The following TSPEAR variants were observed in gnomAD, a reference collection of about 807,000 sequenced individuals.
The protein encoded by TSPEAR is thrombospondin type laminin G domain and EAR repeats.
Under a neutral mutation model 71.6 loss-of-function variants are expected in TSPEAR, and 69 were observed. That is an observed-to-expected ratio of 0.96 (90% CI 0.79 to 1.18). TSPEAR has a LOEUF of 1.18. TSPEAR is among the 50% of genes most tolerant of loss of function. The pLI is 0.00. For missense variants in TSPEAR, 971 were observed against 894.9 expected, an observed-to-expected ratio of 1.09 and a Z score of -1.09; for synonymous variants, 402 against 387.2, an observed-to-expected ratio of 1.04 and a Z score of -0.45.
chr21:44,592,726 C>T (rs1355527288), intron 1 of TSPEAR, among the ~76,000 whole-genome samples: 2 of 152,140 alleles, frequency 1.3e-5, no homozygotes, highest in Admixed American at 6.5e-5. Context: ...AGGAATTGGG[C>T]GGGGCCTGGT....
intron 1 of TSPEAR, among the ~76,000 whole-genome samples, chr21:44,657,483 A>T (rs1379073307): frequency 1.3e-5 from 2 of 152,250 alleles, no homozygotes; most frequent in Admixed American, 1.3e-4. Context: ...ACATGCTGTG[A>T]TCCAATAAGA....
intron 9 of TSPEAR, chr21:44,519,030 G>GC (rs797041452): frequency 4.7e-5 from 8 of 171,472 alleles, no homozygotes; most frequent in Non-Finnish European, 7.5e-5. Context: ...TGCTTTTGTT[G>GC]TTTTTTTTTT....
intron 9 of TSPEAR, among the ~76,000 whole-genome samples, chr21:44,514,694 C>T (rs2052503440): frequency 6.6e-6 from 1 of 152,214 alleles, no homozygotes; most frequent in African/African-American, 2.4e-5. Context: ...CTTCTAGGGA[C>T]AGAGCTCACT....
rs373764712 is a variant in TSPEAR at position 44,527,249 on chromosome 21, C to G, written c.1149+43G>C. On this transcript the variant is annotated intron_variant, in intron 7 of 11. Coordinates refer to ENST00000323084, the MANE Select transcript of TSPEAR (RefSeq NM_144991.3). ...GCCCCGCCTGTGGACTCGGGGCTTT[C>G]CAAGAGAAAGGGGATGGAGAAAGTC... 87 of 1,609,684 alleles carry G rather than the reference C, an allele frequency of 5.4e-5. 1 individual carries two copies. Among genetic ancestry groups the G allele is most frequent in the Non-Finnish European group, 6.5e-5 (77 of 1,176,744 alleles).
intron 1 of TSPEAR, among the ~76,000 whole-genome samples, chr21:44,624,967 T>C (rs1176747083): frequency 6.6e-6 from 1 of 152,200 alleles, no homozygotes; most frequent in Admixed American, 6.5e-5. Context: ...CTAACTTTTC[T>C]CAGCTAGATG....
intron 1 of TSPEAR, among the ~76,000 whole-genome samples, chr21:44,700,239 TCC>T (rs1987584834): frequency 6.6e-6 from 1 of 152,194 alleles, no homozygotes; most frequent in Non-Finnish European, 1.5e-5. Context: ...AGTCCAGGGT[TCC>T]ACCACCAGGA....
At chr21:44,696,049 A>G (rs2146319268) in intron 1 of TSPEAR, among the ~76,000 whole-genome samples, 1 of 152,318 alleles carries the variant, frequency 6.6e-6, no homozygotes, top group East Asian at 1.9e-4. Flanking sequence ...CTTCCCATAA[A>G]GAAATCTTTC....
rs587714024 is a variant in TSPEAR, at chr21:44,569,287, T to G, written c.83-1282A>C. On this transcript the variant is annotated intron_variant, in intron 1 of 11. Transcript: ENST00000323084. ...ACGCAGGGTGTGATGGGCACTTCTTTCTTAGAAAAACCGGATGTGATGCAG... is the reference window on the plus strand; with the variant it reads ...ACGCAGGGTGTGATGGGCACTTCTTGCTTAGAAAAACCGGATGTGATGCAG... Among the ~76,000 whole-genome samples, 93 of 152,274 alleles carry G rather than the reference T, an allele frequency of 6.1e-4. 1 individual carries two copies. The highest frequency in any genetic ancestry group is 2.1e-3 in the African/African-American group (89 of 41,550).
intron 1 of TSPEAR, among the ~76,000 whole-genome samples, chr21:44,686,821 C>G (rs1413812639): frequency 3.9e-5 from 6 of 152,214 alleles, no homozygotes; most frequent in African/African-American, 1.4e-4. Flanking sequence ...AAAAATAAGT[C>G]TCTCTGCTCC....
chr21:44,658,145 G>A (rs201241084), intron 1 of TSPEAR: 53 of 1,613,640 alleles, frequency 3.3e-5, no homozygotes, highest in Middle Eastern at 1.6e-4. Flanking sequence ...CTCCGTGTGC[G>A]TGCCCGTGAG....
rs1980131284 is a variant in TSPEAR, at chr21:44,593,369, T to C, written c.83-25364A>G. Among the ~76,000 whole-genome samples, 2 of 152,164 alleles carry C rather than the reference T, an allele frequency of 1.3e-5. No individual in the cohort carries two copies. Among genetic ancestry groups the C allele is most frequent in the Admixed American group, 6.5e-5 (1 of 15,278 alleles). On this transcript the variant is annotated intron_variant, in intron 1 of 11. Transcript: ENST00000323084. The surrounding 1 kb of genome is among the most constrained non-coding windows in gnomAD (Gnocchi z 5.9). Reference sequence around the variant, plus strand: ...CTTCCAAGCCCTGTGCCAGGCCTCTTAGTGTCACCACCTTAAAATTAAGGG... The same window carrying C: ...CTTCCAAGCCCTGTGCCAGGCCTCTCAGTGTCACCACCTTAAAATTAAGGG...
At chr21:44,601,090 G>A in intron 1 of TSPEAR, 1 of 1,609,622 alleles carries the variant, frequency 6.2e-7, no homozygotes, top group East Asian at 2.3e-5. Context: ...GGCCTGCTGT[G>A]TGCCCATCTG....
In TSPEAR at chr21:44,546,530, A is replaced by G. The variant is rs1192872868; in HGVS notation, c.304-12607T>C. 1.3e-5 allele frequency among the ~76,000 whole-genome samples: 2 copies of G among 152,132 alleles called. No individual in the cohort carries two copies. The highest frequency in any genetic ancestry group is 2.9e-5 in the Non-Finnish European group (2 of 68,020). On this transcript the variant is annotated intron_variant, in intron 2 of 11. Transcript: ENST00000323084. This position sits in a 1 kb window ranked among gnomAD's most constrained non-coding sequence, Gnocchi z 4.4. ...TTTGTATTTTGATTGGAGTTTCACC[A>G]TGTTAGCCAGGATGGTCTCAATCTC...
chr21:44,643,046 C>T (rs886967845), intron 1 of TSPEAR, among the ~76,000 whole-genome samples: 8 of 152,062 alleles, frequency 5.3e-5, no homozygotes, highest in South Asian at 4.1e-4. Context: ...AAAGAAAATG[C>T]GGTGCATATG....
rs587725761 is a variant in TSPEAR, at chr21:44,593,052, C to G, written c.83-25047G>C. Reference sequence around the variant, plus strand: ...TCTGGACGACTTCTCATCCCCACAGCCTCTTCACCTCCGGCCCTGTTTCGT... The same window carrying G: ...TCTGGACGACTTCTCATCCCCACAGGCTCTTCACCTCCGGCCCTGTTTCGT... On this transcript the variant is annotated intron_variant, in intron 1 of 11. Transcript: ENST00000323084. The surrounding 1 kb of genome is among the most constrained non-coding windows in gnomAD (Gnocchi z 5.9). Among the ~76,000 whole-genome samples, 12 of 152,338 alleles carry G rather than the reference C, an allele frequency of 7.9e-5. No individual in the cohort carries two copies. Among genetic ancestry groups the G allele is most frequent in the African/African-American group, 2.9e-4 (12 of 41,580 alleles).
At chr21:44,538,462 G>C (rs1460621097) in intron 2 of TSPEAR, among the ~76,000 whole-genome samples, 3 of 151,644 alleles carry the variant, frequency 2.0e-5, no homozygotes, top group East Asian at 1.9e-4. Flanking sequence ...GCAGCGCCAG[G>C]GTTTTGGGGA....
chr21:44,678,077 C>T (rs1273393902), intron 1 of TSPEAR: 3 of 678,070 alleles, frequency 4.4e-6, no homozygotes, highest in South Asian at 1.6e-5. Context: ...AACTGACAGG[C>T]CCGCAGTATC....
At chr21:44,580,305 C>A (rs782723882) in intron 1 of TSPEAR, 1 of 1,613,506 alleles carries the variant, frequency 6.2e-7, no homozygotes, top group South Asian at 1.1e-5. Context: ...TTGCAGCAGA[C>A]GGGCACGCAG....
At chr21:44,666,758 G>A (rs781936136) in intron 1 of TSPEAR, 16 of 1,613,782 alleles carry the variant, frequency 9.9e-6, no homozygotes, top group Admixed American at 6.7e-5. Context: ...GCACACACAC[G>A]GAGGACTGGC....
Sources: allele counts gnomAD v4.1 joint callset (sites outside exome capture counted in the v4.1 genomes callset), GRCh38; gene constraint gnomAD v4.1.1; non-coding constraint Gnocchi (gnomAD v3.1); transcripts MANE v1.5; gene names NCBI Gene and HGNC (gene_info 2026-07-23, HGNC 2026-07-21).